Variants in TAAR5 observed in about 807,000 individuals in gnomAD.
TAAR5 encodes trace amine associated receptor 5.
Under a neutral mutation model 21.1 loss-of-function variants are expected in TAAR5, and 27 were observed. That is an observed-to-expected ratio of 1.28 (90% CI 0.94 to 1.76). The LOEUF is 1.76. TAAR5 is among the 40% of genes most tolerant of loss of function. TAAR5 has a pLI of 0.00. For synonymous variants in TAAR5, 203 were observed against 167.5 expected, an observed-to-expected ratio of 1.21 and a Z score of -1.64; for missense variants, 495 against 405.6, an observed-to-expected ratio of 1.22 and a Z score of -1.89.
At chr6:132,598,496 G>A in the TAAR5 span, among the ~76,000 whole-genome samples, 3 of 152,142 alleles carry the variant, frequency 2.0e-5, no homozygotes, top group African/African-American at 4.8e-5. Flanking sequence ...TTACACTACG[G>A]TTTCTTACCA....
chr6:132,601,983 AT>A, the TAAR5 span, among the ~76,000 whole-genome samples: 1 of 152,146 alleles, frequency 6.6e-6, no homozygotes, highest in Non-Finnish European at 1.5e-5. Flanking sequence ...CTCTTTTTGA[AT>A]TTTTTGAATT....
chr6:132,605,713 C>T, the TAAR5 span, among the ~76,000 whole-genome samples: 1 of 152,162 alleles, frequency 6.6e-6, no homozygotes, highest in Admixed American at 6.5e-5. Context: ...CAAACCTCAG[C>T]ATCACACAAT....
chr6:132,592,684 C>T (rs916285431), upstream of TAAR5, among the ~76,000 whole-genome samples: 1 of 152,204 alleles, frequency 6.6e-6, no homozygotes, highest in Non-Finnish European at 1.5e-5. Flanking sequence ...GCCTCTTCCT[C>T]CTGCTTCAGC....
chr6:132,609,055 G>A, the TAAR5 span: 7 of 455,398 alleles, frequency 1.5e-5, no homozygotes, highest in East Asian at 4.9e-4. Flanking sequence ...AAAGTCCGTG[G>A]TTGCCATGGA....
upstream of TAAR5, among the ~76,000 whole-genome samples, chr6:132,592,730 C>G (rs1562187637): frequency 6.6e-6 from 1 of 152,174 alleles, no homozygotes; most frequent in Non-Finnish European, 1.5e-5. Context: ...TTGCCTTCTG[C>G]CATAATTGTA....
At chr6:132,610,613 C>G in the TAAR5 span, among the ~76,000 whole-genome samples, 1 of 152,144 alleles carries the variant, frequency 6.6e-6, no homozygotes, top group African/African-American at 2.4e-5. Context: ...GATAAAAGAA[C>G]CTGAATTTTG....
chr6:132,609,843 TA>T, the TAAR5 span, among the ~76,000 whole-genome samples: 1 of 152,210 alleles, frequency 6.6e-6, no homozygotes, highest in Non-Finnish European at 1.5e-5. Context: ...AAACATGCAG[TA>T]CCATGAAACA....
the TAAR5 span, chr6:132,609,044 G>C: frequency 2.2e-6 from 1 of 455,426 alleles, no homozygotes; most frequent in African/African-American, 2.0e-5. Context: ...AAACCCAGCA[G>C]AAAGTCCGTG....
chr6:132,613,850 C>A, the TAAR5 span, among the ~76,000 whole-genome samples: 2 of 152,168 alleles, frequency 1.3e-5, no homozygotes, highest in African/African-American at 4.8e-5. Context: ...CTCTACATGG[C>A]ACCAAATAAA....
At chr6:132,611,256 G>A in the TAAR5 span, among the ~76,000 whole-genome samples, 2 of 151,536 alleles carry the variant, frequency 1.3e-5, no homozygotes, top group Non-Finnish European at 2.9e-5. Flanking sequence ...ATAGGGAGCA[G>A]CATGATGGTT....
chr6:132,610,222 C>T, the TAAR5 span, among the ~76,000 whole-genome samples: 24 of 152,258 alleles, frequency 1.6e-4, 1 homozygote, highest in East Asian at 2.7e-3. Context: ...TCGGAATACA[C>T]ATCAATCTGA....
chr6:132,615,919 A>G, the TAAR5 span, among the ~76,000 whole-genome samples: 2 of 151,546 alleles, frequency 1.3e-5, no homozygotes, highest in South Asian at 2.1e-4. Context: ...CACACGAGAT[A>G]TAACTGAAAA....
the TAAR5 span, among the ~76,000 whole-genome samples, chr6:132,613,012 A>C: frequency 6.6e-6 from 1 of 152,194 alleles, no homozygotes; most frequent in Admixed American, 6.5e-5. Context: ...ATGATTCTAT[A>C]AGATGTTTCA....
chr6:132,609,189 C>T, the TAAR5 span: 26 of 358,402 alleles, frequency 7.3e-5, no homozygotes, highest in African/African-American at 5.5e-4. Flanking sequence ...ATCACCTGGA[C>T]ATGAAAAGAG....
the TAAR5 span, among the ~76,000 whole-genome samples, chr6:132,607,110 G>C: frequency 1.3e-5 from 2 of 152,158 alleles, no homozygotes; most frequent in South Asian, 4.1e-4. Flanking sequence ...TGGGAGGATT[G>C]CTTGATCCCA....
the TAAR5 span, among the ~76,000 whole-genome samples, chr6:132,604,150 T>C: frequency 6.8e-6 from 1 of 146,962 alleles, no homozygotes; most frequent in East Asian, 1.9e-4. Context: ...TCTTTTCTTT[T>C]TTTTTTTTTT....
Position 132,589,257 on chromosome 6 carries a change from A to G in TAAR5, c.430T>C (p.Ser144Pro). 6.2e-7 allele frequency: 1 copy of G among 1,608,976 alleles called. No individual in the cohort carries two copies. The highest frequency in any genetic ancestry group is 8.5e-7 in the Non-Finnish European group (1 of 1,177,390). Reference sequence around the variant, plus strand: ...AGAGCCACCCTCACTGTGAACTTGGAGGGATAGAGCAGGGGGTCACAGATG... The same window carrying G: ...AGAGCCACCCTCACTGTGAACTTGGGGGGATAGAGCAGGGGGTCACAGATG... The part of the protein sequence containing the change: ...CAICDPLLYP[S>P]KFTVRVALRY... Residue 144 changes from serine to proline, a missense_variant, in exon 1 of 1, where the codon TCC (serine) becomes CCC (proline). Ser to Pro is a moderately conservative substitution (Grantham distance 74). Coordinates refer to ENST00000258034, the MANE Select transcript of TAAR5 (RefSeq NM_003967.3).
At chr6:132,608,685 C>A in the TAAR5 span, 2 of 455,872 alleles carry the variant, frequency 4.4e-6, no homozygotes, top group South Asian at 3.1e-5. Flanking sequence ...ACAATATTGT[C>A]CCCCAGAATT....
the TAAR5 span, among the ~76,000 whole-genome samples, chr6:132,600,809 G>A: frequency 1.1e-3 from 150 of 141,520 alleles, 1 homozygote; most frequent in African/African-American, 3.7e-3. Context: ...AGGAAGGAAG[G>A]AAGGAAGGAG....
Sources: allele counts gnomAD v4.1 joint callset (sites outside exome capture counted in the v4.1 genomes callset), GRCh38; gene constraint gnomAD v4.1.1; transcripts MANE v1.5; gene names NCBI Gene and HGNC (gene_info 2026-07-23, HGNC 2026-07-21).